Variants in MYO7A observed in about 807,000 individuals in gnomAD.
The protein encoded by MYO7A is myosin VIIA.
Under a neutral mutation model 263.8 loss-of-function variants are expected in MYO7A, and 210 were observed. The ratio of observed to expected loss-of-function variants is 0.80; its 90% CI spans 0.71 to 0.89. The LOEUF (loss-of-function observed/expected upper bound fraction) is 0.89. Among genes scored for constraint, MYO7A ranks in the 40% least tolerant of loss-of-function variants. The pLI, the probability that MYO7A is intolerant of heterozygous loss-of-function variation, is 0.00. For missense variants in MYO7A, 2,820 were observed against 2,968.3 expected, an observed-to-expected ratio of 0.95 and a Z score of 1.16; for synonymous variants, 1,239 against 1,197.3, an observed-to-expected ratio of 1.03 and a Z score of -0.72.
chr11:77,137,484 G>C lies in MYO7A; in HGVS notation c.19-5225G>C, dbSNP rs7116395. ...GAAGAGGAAGAAAAAGGAGGAAAGA[G>C]GGGAGGAGGACAAAGATAGGCAGGG... On this transcript the variant is annotated intron_variant, in intron 2 of 48. Coordinates refer to ENST00000409709, the MANE Select transcript of MYO7A (RefSeq NM_000260.4). Among the ~76,000 whole-genome samples the C allele has an allele frequency of 8.8e-3, 1,336 of 152,326 alleles. 21 individuals carry two copies. The highest frequency in any genetic ancestry group is 0.03 in the African/African-American group (1,253 of 41,570).
chr11:77,210,277 G>T (rs1165197185), intron 44 of MYO7A, among the ~76,000 whole-genome samples: 1 of 152,236 alleles, frequency 6.6e-6, no homozygotes, highest in African/African-American at 2.4e-5. Flanking sequence ...ATGCATGCTT[G>T]TTGGATTGAC....
chr11:77,193,110 T>TTTGTGA (rs1956313034), intron 31 of MYO7A, among the ~76,000 whole-genome samples: 1 of 104,918 alleles, frequency 9.5e-6, no homozygotes, highest in African/African-American at 3.3e-5. Context: ...AGTGATGCTG[T>TTTGTGA]TGGTGATGGT....
In MYO7A at chr11:77,177,653, C is replaced by T. The variant is rs782176027; in HGVS notation, c.2282+10C>T. ...GGGGATTCAAAGACAGGTGCGTGTT[C>T]CCACCAGCTCCTCCCCTCCTCAGCC... On this transcript the variant is annotated intron_variant, in intron 19 of 48. Transcript: ENST00000409709. 43 of 1,597,384 alleles carry T rather than the reference C, an allele frequency of 2.7e-5. No homozygotes were observed. In the South Asian group the frequency reaches 4.8e-4, roughly 18 times the overall value.
chr11:77,207,629 C>T (rs932928425), intron 42 of MYO7A, among the ~76,000 whole-genome samples: 1 of 152,206 alleles, frequency 6.6e-6, no homozygotes, highest in African/African-American at 2.4e-5. Flanking sequence ...GGCATGTGCC[C>T]AGGTGCTCTG....
intron 3 of MYO7A, among the ~76,000 whole-genome samples, chr11:77,146,077 T>C (rs1951542345): frequency 1.3e-5 from 2 of 152,024 alleles, no homozygotes; most frequent in Admixed American, 1.3e-4. Context: ...AGATGGAGCA[T>C]GTGAGGGTGG....
intron 16 of MYO7A, among the ~76,000 whole-genome samples, chr11:77,173,162 G>T (rs1404796340): frequency 6.6e-6 from 1 of 152,216 alleles, no homozygotes; most frequent in East Asian, 1.9e-4. Flanking sequence ...CTTCTCTTAT[G>T]CCTCAGTTTC....
At position 77,182,412 on chromosome 11, in the gene MYO7A, G is replaced by A. The variant is rs782566244; in HGVS notation, c.3109-12G>A. 7.5e-6 allele frequency: 12 copies of A among 1,608,310 alleles called. No individual in the cohort carries two copies. The highest frequency in any genetic ancestry group is 2.7e-5 in the African/African-American group (2 of 74,796). On this transcript the variant is annotated splice_polypyrimidine_tract_variant and intron_variant, in intron 24 of 48. Transcript: ENST00000409709. ...CTCCGCTCTGGCCTCTGACATGCGC[G>A]CTCTGCCCCAGGCAGCCCTGGCGGT...
intron 2 of MYO7A, among the ~76,000 whole-genome samples, chr11:77,140,923 G>A (rs1427305241): frequency 6.6e-6 from 1 of 152,218 alleles, no homozygotes; most frequent in Non-Finnish European, 1.5e-5. Context: ...AGGGGCAGCT[G>A]TGGCTGGAAA....
At chr11:77,130,850 C>A (rs566054423) in intron 2 of MYO7A, among the ~76,000 whole-genome samples, 198 bp downstream of exon 2, 3 of 152,242 alleles carry the variant, frequency 2.0e-5, no homozygotes, top group Non-Finnish European at 4.4e-5. Context: ...CCTTCTCTCA[C>A]TGGCTCACCC....
Position 77,147,829 on chromosome 11 carries a change from A to T in MYO7A, c.164A>T (p.His55Leu). 6.2e-7 allele frequency: 1 copy of T among 1,610,470 alleles called. No individual in the cohort carries two copies. ...TGGATCTCTCCGCAGAACGCAACGC[A>T]CATCAAGCCTATGCACCCCACGTCG... Reference protein sequence around the residue: ...EHWISPQNATHIKPMHPTSVH... With the variant: ...EHWISPQNATLIKPMHPTSVH... The change falls in exon 4 of 49, where the codon CAC (histidine) becomes CTC (leucine). Residue 55 changes from histidine (H) to leucine (L), a missense_variant. Coordinates refer to ENST00000409709, the MANE Select transcript of MYO7A (RefSeq NM_000260.4).
In MYO7A at chr11:77,215,082, C is replaced by G. The variant is rs1341024270; in HGVS notation, c.*386C>G. 4.6e-6 allele frequency: 1 copy of G among 219,124 alleles called. No individual in the cohort carries two copies. The highest frequency in any genetic ancestry group is 9.1e-6 in the Non-Finnish European group (1 of 110,280). The allele number at this position is 219,124 out of a possible 1,614,324, so 13.6% of individuals were successfully genotyped here. ...ACAATCTAGCTCTCCATACTTTGAACAACCAAATGTGCATTGAATACTCTG... is the reference window on the plus strand; with the variant it reads ...ACAATCTAGCTCTCCATACTTTGAAGAACCAAATGTGCATTGAATACTCTG... On this transcript the variant is annotated 3_prime_UTR_variant, in exon 49 of 49. Transcript: ENST00000409709.
intron 35 of MYO7A, among the ~76,000 whole-genome samples, chr11:77,200,404 G>A (rs904984014): frequency 6.6e-6 from 1 of 152,182 alleles, no homozygotes; most frequent in Non-Finnish European, 1.5e-5. Context: ...AGAGAGCAGG[G>A]GGTGCCAGGC....
At chr11:77,163,077 A>C in intron 14 of MYO7A, 89 bp downstream of exon 14, 2 of 1,455,394 alleles carry the variant, frequency 1.4e-6, no homozygotes, top group South Asian at 2.5e-5. Flanking sequence ...CCGGAATTTT[A>C]AAGATTTTTA....
Position 77,159,507 on chromosome 11 carries a change from C to G in MYO7A, c.1064C>G (p.Ala355Gly). ...CTCTTCTCCCCATCGCTGGCCACAG[C>G]TGCATCCCTGCTTGAGGTCAGTGCC... ...EVLFSPSLAT[A>G]ASLLEVNPPD... The change falls in exon 10 of 49, where the codon GCT becomes GGT. Residue 355 changes from alanine (A) to glycine (G), a missense_variant. Ala to Gly is a moderately conservative substitution (Grantham distance 60). Transcript: ENST00000409709. 1 of 1,613,382 alleles carries G rather than the reference C, an allele frequency of 6.2e-7. No homozygotes were observed. The highest frequency in any genetic ancestry group is 8.5e-7 in the Non-Finnish European group (1 of 1,179,820).
At chr11:77,205,850 C>T (rs1400743213) in intron 40 of MYO7A, among the ~76,000 whole-genome samples, 18 of 152,162 alleles carry the variant, frequency 1.2e-4, no homozygotes, top group Non-Finnish European at 2.6e-4. Flanking sequence ...CGGGTGGGCA[C>T]AGACACCTGG....
chr11:77,180,057 C>A lies in MYO7A; in HGVS notation c.2586+104C>A, dbSNP rs186522295. The A allele has an allele frequency of 9.9e-6, 12 of 1,217,532 alleles. No individual in the cohort carries two copies. In the African/African-American group the frequency reaches 1.4e-4, roughly 14 times the overall value. The allele number at this position is 1,217,532 out of a possible 1,614,324, so 75.4% of individuals were successfully genotyped here. On this transcript the variant is annotated intron_variant, in intron 21 of 48. Transcript: ENST00000409709. ...CAGGAAGTGGGACCTATAGGGGGGA[C>A]CTGCAGTTATGCCTGCTCTGAGGAG... is the stretch of plus-strand genomic sequence containing the variant.
intron 14 of MYO7A, among the ~76,000 whole-genome samples, chr11:77,164,877 A>G (rs1023724782): frequency 3.9e-5 from 6 of 152,218 alleles, no homozygotes; most frequent in African/African-American, 1.4e-4. Context: ...TGGCTTGCCT[A>G]AGGTTGTTAA....
At chr11:77,198,920 C>G (rs1025896137) in intron 34 of MYO7A, among the ~76,000 whole-genome samples, 2 of 152,214 alleles carry the variant, frequency 1.3e-5, no homozygotes, top group African/African-American at 4.8e-5. Flanking sequence ...AGCACTCACT[C>G]TATGTCTTCA....
At chr11:77,178,487 C>T (rs1385532827) in intron 19 of MYO7A, among the ~76,000 whole-genome samples, 2 of 151,988 alleles carry the variant, frequency 1.3e-5, no homozygotes, top group Admixed American at 6.6e-5. Context: ...GACTTATTGG[C>T]TCACTTGCAT....
Sources: gnomAD v4.1 joint callset for allele counts (sites outside exome capture counted in the v4.1 genomes callset) on GRCh38, gnomAD v4.1.1 for gene constraint, MANE v1.5 for transcripts, NCBI Gene and HGNC (gene_info 2026-07-23, HGNC 2026-07-21) for gene names.